Variants in ABCF2 observed in about 807,000 individuals in gnomAD.
The protein encoded by ABCF2 is ATP binding cassette subfamily F member 2.
Under a neutral mutation model 76.9 loss-of-function variants are expected in ABCF2, and 37 were observed. The observed-to-expected ratio is 0.48, with a 90% CI of 0.37 to 0.63. The LOEUF is 0.63. Ranked by LOEUF, ABCF2 falls within the 30% of genes least tolerant of loss-of-function variation. The probability of loss-of-function intolerance (pLI) is 0.00; values close to 1 mark genes in which losing one functional copy is unlikely to be tolerated. For missense variants in ABCF2, 524 were observed against 782.1 expected, an observed-to-expected ratio of 0.67 and a Z score of 3.94; for synonymous variants, 299 against 283.7, an observed-to-expected ratio of 1.05 and a Z score of -0.54.
In ABCF2 at chr7:151,214,128, C is replaced by T. The variant is rs1563607182; in HGVS notation, c.1798G>A (p.Ala600Thr). The T allele has an allele frequency of 6.2e-7, 1 of 1,614,146 alleles. No individual in the cohort carries two copies. The highest frequency in any genetic ancestry group is 8.5e-7 in the Non-Finnish European group (1 of 1,180,028). The part of the protein sequence containing the change: ...TITKWPGDIL[A>T]YKEHLKSKLV... The stretch of plus-strand genomic sequence containing the variant: ...TTGGACTTGAGGTGCTCCTTGTAAG[C>T]CAGGATGTCTCCAGGCCACTTGGTG... The change falls in exon 15 of 15, where the codon GCT becomes ACT. Residue 600 changes from alanine (A) to threonine (T), a missense_variant. This residue lies in a region of ABCF2 where 194 missense variants were observed against 348.6 expected (regional missense o/e 0.56). Coordinates refer to ENST00000287844, the MANE Select transcript of ABCF2 (RefSeq NM_007189.3). The surrounding 1 kb of genome is among the most constrained non-coding windows in gnomAD (Gnocchi z 4.9).
rs1321109306 is a variant in ABCF2 at position 151,218,288 on chromosome 7, G to C, written c.1228-97C>G. Reference sequence around the variant, plus strand: ...CGCTGAATTCCCAGTCACCAAGAGAGGAGGAAGGGAGAGTAGCGGGAGGAA... The same window carrying C: ...CGCTGAATTCCCAGTCACCAAGAGACGAGGAAGGGAGAGTAGCGGGAGGAA... On this transcript the variant is annotated intron_variant, in intron 10 of 14. Coordinates refer to ENST00000287844, the MANE Select transcript of ABCF2 (RefSeq NM_007189.3). 3 of 898,362 alleles carry C rather than the reference G, an allele frequency of 3.3e-6. No homozygotes were observed. The African/African-American group carries it at 4.9e-5, about 15-fold the overall frequency. 55.6% of individuals were successfully genotyped at this position (898,362 alleles called of 1,614,324 possible). A position where few individuals can be genotyped will look rare whatever the true frequency, so the allele number is the denominator to read the frequency against.
intron 1 of ABCF2, 180 bp from the exon 2 acceptor site, chr7:151,226,680 G>C (rs929631893): frequency 9.6e-5 from 48 of 500,944 alleles, no homozygotes; most frequent in African/African-American, 8.6e-4. Context: ...ATTCTCAGCG[G>C]CTCTTCTAAT....
At chr7:151,225,123 G>T in intron 2 of ABCF2, 135 bp from the exon 3 acceptor site, 1 of 769,768 alleles carries the variant, frequency 1.3e-6, no homozygotes, top group South Asian at 1.5e-5. Flanking sequence ...AGTGCACAAT[G>T]ACACAGAGCT....
At chr7:151,218,993 A>C in intron 8 of ABCF2, 71 bp downstream of exon 8, 1 of 1,609,732 alleles carries the variant, frequency 6.2e-7, no homozygotes, top group South Asian at 1.1e-5. Context: ...CCGCTTCTCG[A>C]AATGCCCTCA....
In ABCF2 at chr7:151,222,524, T is replaced by C; in HGVS notation, c.815A>G (p.Lys272Arg). The change falls in exon 6 of 15, where the codon AAA becomes AGA. Residue 272 changes from lysine to arginine, a missense_variant. Transcript: ENST00000287844. Reference sequence around the variant, plus strand: ...ATCCCCCATTCCACCCTCTTACGTTTTTAGTTCTTCTTCCAACCACACGCA... The same window carrying C: ...ATCCCCCATTCCACCCTCTTACGTTCTTAGTTCTTCTTCCAACCACACGCA... ...DACVWLEEEL[K>R]TFKRILVLVS... 3 of 1,613,310 alleles carry C rather than the reference T, an allele frequency of 1.9e-6. No homozygotes were observed. The highest frequency in any genetic ancestry group is 2.5e-6 in the Non-Finnish European group (3 of 1,179,466).
chr7:151,225,093 A>G lies in ABCF2; in HGVS notation c.155-105T>C, dbSNP rs1802347090. ...GGCTCCAATCCTGCTGAGCACTCAG[A>G]TGTTTCCCAAACTTTACAGAGTGCA... On this transcript the variant is annotated intron_variant, in intron 2 of 14. Coordinates refer to ENST00000287844, the MANE Select transcript of ABCF2 (RefSeq NM_007189.3). 4.9e-6 allele frequency: 5 copies of G among 1,019,944 alleles called. No individual in the cohort carries two copies. In the Admixed American group the frequency reaches 9.3e-5, roughly 19 times the overall value. 63.2% of individuals were successfully genotyped at this position (1,019,944 alleles called of 1,614,324 possible). A position where few individuals can be genotyped will look rare whatever the true frequency, so the allele number is the denominator to read the frequency against.
At position 151,218,766 on chromosome 7, in the gene ABCF2, G is replaced by A. The variant is rs139539137; in HGVS notation, c.1125C>T (p.Val375=). 309 of 1,610,844 alleles carry A rather than the reference G, an allele frequency of 1.9e-4. No homozygotes were observed. In the African/African-American group the frequency reaches 3.3e-3, roughly 17 times the overall value. Residue 375 remains valine, a synonymous_variant, in exon 9 of 15, where the codon GTC becomes GTT. Transcript: ENST00000287844. ...AATCACACCCCACCTTATCGCTCAC[G>A]ACCCTCTCTGTCAGTCCTGATGCCA... ...KMMASGLTER[V]VSDKTLSFYF...
intron 2 of ABCF2, among the ~76,000 whole-genome samples, chr7:151,225,920 C>A (rs1400625051): frequency 6.6e-6 from 1 of 152,192 alleles, no homozygotes; most frequent in Non-Finnish European, 1.5e-5. Context: ...AAGTTACTCT[C>A]TTGTAGGTAG....
chr7:151,217,643 C>CA (rs769662212), intron 11 of ABCF2, among the ~76,000 whole-genome samples: 4 of 151,934 alleles, frequency 2.6e-5, no homozygotes, highest in East Asian at 3.9e-4. Context: ...TACTAAAATA[C>CA]AAAAAAATTA....
In ABCF2 at chr7:151,213,489, C is replaced by T. The variant is rs186621515; in HGVS notation, c.*565G>A. 6.4e-3 allele frequency: 6,325 copies of T among 985,746 alleles called. 22 individuals carry two copies. The highest frequency in any genetic ancestry group is 0.017 in the Middle Eastern group (32 of 1,914). The allele number at this position is 985,746 out of a possible 1,614,324, so 61.1% of individuals were successfully genotyped here. On this transcript the variant is annotated 3_prime_UTR_variant, in exon 15 of 15. Coordinates refer to ENST00000287844, the MANE Select transcript of ABCF2 (RefSeq NM_007189.3). The stretch of plus-strand genomic sequence containing the variant: ...CAGGGAGGAGAAGGCCCCAGAGACC[C>T]GAGAAGGAAGGTAGGGACCGTGGCT...
chr7:151,220,587 A>C (rs1446888396), intron 7 of ABCF2, among the ~76,000 whole-genome samples: 1 of 152,214 alleles, frequency 6.6e-6, no homozygotes, highest in African/African-American at 2.4e-5. Context: ...TGAAAAGGCA[A>C]GGCACAACAG....
rs1229186415 is a variant in ABCF2 at position 151,223,248 on chromosome 7, T to C, written c.722+430A>G. On this transcript the variant is annotated intron_variant, in intron 5 of 14. Coordinates refer to ENST00000287844, the MANE Select transcript of ABCF2 (RefSeq NM_007189.3). ...GACTCTGGGGGGATTATTGGGGGAA[T>C]GCTGGTCTATGGAAACTCACTTTGA... Among the ~76,000 whole-genome samples the C allele has an allele frequency of 3.3e-5, 5 of 152,162 alleles. No homozygotes were observed. In the East Asian group the frequency reaches 9.6e-4, roughly 29 times the overall value.
Position 151,212,122 on chromosome 7 carries a change from T to C in ABCF2, c.*1932A>G. ...AAGAAGATCATGAGCTCCTAAGGGGTTTAAGCACCATCTGGGACAGTTGCT... is the reference window on the plus strand; with the variant it reads ...AAGAAGATCATGAGCTCCTAAGGGGCTTAAGCACCATCTGGGACAGTTGCT... On this transcript the variant is annotated 3_prime_UTR_variant, in exon 15 of 15. Coordinates refer to ENST00000287844, the MANE Select transcript of ABCF2 (RefSeq NM_007189.3). 1.0e-6 allele frequency: 1 copy of C among 985,082 alleles called. No individual in the cohort carries two copies. Among genetic ancestry groups the C allele is most frequent in the Non-Finnish European group, 1.2e-6 (1 of 829,632 alleles). 61.0% of individuals were successfully genotyped at this position (985,082 alleles called of 1,614,324 possible).
At chr7:151,225,109 A>T in intron 2 of ABCF2, 121 bp from the exon 3 acceptor site, 1 of 860,204 alleles carries the variant, frequency 1.2e-6, no homozygotes, top group Non-Finnish European at 1.9e-6. Context: ...CCCAAACTTT[A>T]CAGAGTGCAC....
At position 151,214,903 on chromosome 7, in the gene ABCF2, G is replaced by A; in HGVS notation, c.1710C>T (p.Ser570=). The change falls in exon 14 of 15, where the codon AGC becomes AGT. Residue 570 remains serine, a synonymous_variant. Coordinates refer to ENST00000287844, the MANE Select transcript of ABCF2 (RefSeq NM_007189.3). The surrounding 1 kb of genome is among the most constrained non-coding windows in gnomAD (Gnocchi z 4.9). The part of the protein sequence containing the change: ...NEFEGGMMLV[S]HDFRLIQQVA... ...CCTGCTGAATGAGTCTGAAGTCATG[G>A]CTGACCAGCATCATACCACCCTCAA... 1 of 1,614,208 alleles carries A rather than the reference G, an allele frequency of 6.2e-7. No homozygotes were observed. Among genetic ancestry groups the A allele is most frequent in the Non-Finnish European group, 8.5e-7 (1 of 1,180,040 alleles).
At position 151,212,307 on chromosome 7, in the gene ABCF2, G is replaced by A. The variant is rs1383407704; in HGVS notation, c.*1747C>T. The A allele has an allele frequency of 2.0e-6, 2 of 983,588 alleles. No individual in the cohort carries two copies. The highest frequency in any genetic ancestry group is 3.6e-5 in the African/African-American group (2 of 55,580). The allele number at this position is 983,588 out of a possible 1,614,324, so 60.9% of individuals were successfully genotyped here. A position where few individuals can be genotyped will look rare whatever the true frequency, so the allele number is the denominator to read the frequency against. ...AAAAGACCCAGATAAGGTATGCAGAGCCCTGGGCTGGAAGTGAATTCAACA... is the reference window on the plus strand; with the variant it reads ...AAAAGACCCAGATAAGGTATGCAGAACCCTGGGCTGGAAGTGAATTCAACA... On this transcript the variant is annotated 3_prime_UTR_variant, in exon 15 of 15. Coordinates refer to ENST00000287844, the MANE Select transcript of ABCF2 (RefSeq NM_007189.3).
In ABCF2 at chr7:151,222,514, C is replaced by T. The variant is rs1037347505; in HGVS notation, c.818+7G>A. On this transcript the variant is annotated splice_region_variant and intron_variant, in intron 6 of 14. Coordinates refer to ENST00000287844, the MANE Select transcript of ABCF2 (RefSeq NM_007189.3). ...GCCCGCTCACATCCCCCATTCCACCCTCTTACGTTTTTAGTTCTTCTTCCA... is the reference window on the plus strand; with the variant it reads ...GCCCGCTCACATCCCCCATTCCACCTTCTTACGTTTTTAGTTCTTCTTCCA... The T allele has an allele frequency of 1.9e-5, 31 of 1,612,516 alleles. No homozygotes were observed. The highest frequency in any genetic ancestry group is 2.5e-5 in the Non-Finnish European group (29 of 1,178,886).
In ABCF2 at chr7:151,215,040, C is replaced by T; in HGVS notation, c.1573G>A (p.Val525Met). The T allele has an allele frequency of 6.2e-7, 1 of 1,614,180 alleles. No homozygotes were observed. Among genetic ancestry groups the T allele is most frequent in the East Asian group, 2.2e-5 (1 of 44,888 alleles). Reference sequence around the variant, plus strand: ...TGCCAGGCCAGCCAGGCCAGACACACTCGGCACTTCTGCCCGTCTGACAAG... The same window carrying T: ...TGCCAGGCCAGCCAGGCCAGACACATTCGGCACTTCTGCCCGTCTGACAAG... ...RNLSDGQKCR[V>M]CLAWLAWQNP... The change falls in exon 14 of 15, where the codon GTG becomes ATG. Residue 525 changes from valine to methionine, a missense_variant. This residue lies in a region of ABCF2 where 194 missense variants were observed against 348.6 expected (regional missense o/e 0.56). Coordinates refer to ENST00000287844, the MANE Select transcript of ABCF2 (RefSeq NM_007189.3). This position sits in a 1 kb window ranked among gnomAD's most constrained non-coding sequence, Gnocchi z 4.6.
In ABCF2 at chr7:151,215,530, G is replaced by T; in HGVS notation, c.1530+74C>A. 2 of 1,583,604 alleles carry T rather than the reference G, an allele frequency of 1.3e-6. No individual in the cohort carries two copies. On this transcript the variant is annotated intron_variant, in intron 13 of 14. Coordinates refer to ENST00000287844, the MANE Select transcript of ABCF2 (RefSeq NM_007189.3). The surrounding 1 kb of genome is among the most constrained non-coding windows in gnomAD (Gnocchi z 4.6). ...ACAGCTTCCAAACCCAGGCTGCCAG[G>T]ACAGTATCCCCTGACCCACCCAGCC...
Sources: allele counts gnomAD v4.1 joint callset (sites outside exome capture counted in the v4.1 genomes callset), GRCh38; gene constraint gnomAD v4.1.1; regional missense constraint gnomAD v4.1.1; non-coding constraint Gnocchi (gnomAD v3.1); transcripts MANE v1.5; gene names NCBI Gene and HGNC (gene_info 2026-07-23, HGNC 2026-07-21).